The following SLC22A23 variants were observed in gnomAD, a reference collection of about 807,000 sequenced individuals.
The protein encoded by SLC22A23 is solute carrier family 22 member 23.
A neutral mutation model predicts 61.0 loss-of-function variants in SLC22A23; 26 were observed. The ratio of observed to expected loss-of-function variants is 0.43; its 90% confidence interval spans 0.31 to 0.59. The LOEUF is 0.59. SLC22A23 is among the 20% of genes least tolerant of loss of function. SLC22A23 has a pLI of 0.11. For synonymous variants in SLC22A23, 430 were observed against 413.9 expected, an observed-to-expected ratio of 1.04 and a Z score of -0.47; for missense variants, 796 against 934.7, an observed-to-expected ratio of 0.85 and a Z score of 1.94.
chr6:3,365,539 A>G (rs1410533835), intron 3 of SLC22A23, among the ~76,000 whole-genome samples: 1 of 152,092 alleles, frequency 6.6e-6, no homozygotes, highest in Non-Finnish European at 1.5e-5. Context: ...GGTGCTGGAG[A>G]TGGAGCAGTG....
chr6:3,394,172 C>T (rs1448261402), intron 3 of SLC22A23, among the ~76,000 whole-genome samples: 4 of 152,104 alleles, frequency 2.6e-5, no homozygotes, highest in Non-Finnish European at 5.9e-5. Flanking sequence ...AAAGAGGGAT[C>T]GGGCACTGTA....
At chr6:3,364,589 G>C (rs1249151243) in intron 3 of SLC22A23, among the ~76,000 whole-genome samples, 2 of 152,212 alleles carry the variant, frequency 1.3e-5, no homozygotes, top group African/African-American at 2.4e-5. Flanking sequence ...AGAGGTGAGG[G>C]AGGGCATTGG....
chr6:3,409,071 C>G (rs946528620), intron 3 of SLC22A23, among the ~76,000 whole-genome samples: 1 of 152,236 alleles, frequency 6.6e-6, no homozygotes, highest in Non-Finnish European at 1.5e-5. Context: ...TTCAAAGAAA[C>G]AAGTTCCCCA....
intron 4 of SLC22A23, 26 bp from the exon 5 acceptor site, chr6:3,298,244 G>C (rs1402444204): frequency 6.3e-7 from 1 of 1,580,234 alleles, no homozygotes; most frequent in South Asian, 1.2e-5. Context: ...GGGGATCAGT[G>C]AATGTCTTCC....
intron 3 of SLC22A23, among the ~76,000 whole-genome samples, chr6:3,336,059 G>A (rs541042796): frequency 4.6e-5 from 7 of 151,588 alleles, no homozygotes; most frequent in African/African-American, 1.5e-4. Context: ...ACTGCTCTCC[G>A]GCCTGGGCGA....
At position 3,327,801 on chromosome 6, in the gene SLC22A23, TTA is replaced by T. The variant is rs2127405311; in HGVS notation, c.914-3801_914-3800del. On this transcript the variant is annotated intron_variant, in intron 3 of 9. Coordinates refer to ENST00000406686, the MANE Select transcript of SLC22A23 (RefSeq NM_015482.2). This position sits in a 1 kb window ranked among gnomAD's most constrained non-coding sequence, Gnocchi z 4.1. The stretch of plus-strand genomic sequence containing the variant: ...ACCCAAGTCTAAAAACAAAATTCAT[TTA>T]TGTTTCATATAAATCTTATATACAT... Among the ~76,000 whole-genome samples the T allele has an allele frequency of 6.6e-6, 1 of 152,326 alleles. No individual in the cohort carries two copies. Among genetic ancestry groups the T allele is most frequent in the South Asian group, 2.1e-4 (1 of 4,828 alleles).
chr6:3,424,410 C>T (rs577679371), intron 1 of SLC22A23, among the ~76,000 whole-genome samples: 2 of 152,158 alleles, frequency 1.3e-5, no homozygotes, highest in African/African-American at 4.8e-5. Flanking sequence ...CTGTACTGCA[C>T]GCATTTTTTC....
At chr6:3,277,834 A>G (rs1297790427) in intron 9 of SLC22A23, among the ~76,000 whole-genome samples, 1 of 152,230 alleles carries the variant, frequency 6.6e-6, no homozygotes, top group East Asian at 1.9e-4. Flanking sequence ...CTTTTTAGCA[A>G]TCAAATTTAC....
At chr6:3,368,427 T>C (rs916283626) in intron 3 of SLC22A23, among the ~76,000 whole-genome samples, 7 of 152,198 alleles carry the variant, frequency 4.6e-5, no homozygotes, top group African/African-American at 1.2e-4. Context: ...GTAAGAGATA[T>C]GCGCTTTTCC....
chr6:3,296,317 CCACCCCTGCTGGACTTTG>C (rs1199481048), intron 5 of SLC22A23, among the ~76,000 whole-genome samples: 4 of 152,172 alleles, frequency 2.6e-5, no homozygotes, highest in East Asian at 1.9e-4. Context: ...CGTGGCAAAG[CCACCCCTGCTGGACTTTG>C]CACCCCTGCT....
Position 3,387,408 on chromosome 6 carries a change from A to T in SLC22A23, c.913+22780T>A, listed in dbSNP as rs892496423. Among the ~76,000 whole-genome samples, 1 of 152,232 alleles carries T rather than the reference A, an allele frequency of 6.6e-6. No homozygotes were observed. The highest frequency in any genetic ancestry group is 2.4e-5 in the African/African-American group (1 of 41,458). The stretch of plus-strand genomic sequence containing the variant: ...ACCAACCCGTTACACCACTGTCCTC[A>T]TCACAGTGTTAAGGTCACAAAAGAC... On this transcript the variant is annotated intron_variant, in intron 3 of 9. Coordinates refer to ENST00000406686, the MANE Select transcript of SLC22A23 (RefSeq NM_015482.2). This position sits in a 1 kb window ranked among gnomAD's most constrained non-coding sequence, Gnocchi z 5.0.
rs1291921902 is a variant in SLC22A23 at position 3,410,241 on chromosome 6, C to G, written c.860G>C (p.Arg287Thr). 1.9e-6 allele frequency: 3 copies of G among 1,613,858 alleles called. No homozygotes were observed. The highest frequency in any genetic ancestry group is 2.2e-5 in the South Asian group (2 of 91,028). Residue 287 changes from arginine (R) to threonine (T), a missense_variant, in exon 3 of 10, where the codon AGG (arginine) becomes ACG (threonine). Physicochemically the swap from Arg to Thr is moderately conservative, Grantham distance 71. Coordinates refer to ENST00000406686, the MANE Select transcript of SLC22A23 (RefSeq NM_015482.2). The surrounding 1 kb of genome is among the most constrained non-coding windows in gnomAD (Gnocchi z 5.0). ...SVNVTMFSTL[R>T]FFEGFCLAGI... Reference sequence around the variant, plus strand: ...AGCCAGGCAAAATCCTTCAAAGAACCTGAGTGTGCTGAACATTGTCACATT... The same window carrying G: ...AGCCAGGCAAAATCCTTCAAAGAACGTGAGTGTGCTGAACATTGTCACATT...
intron 3 of SLC22A23, among the ~76,000 whole-genome samples, chr6:3,366,472 T>C (rs1765844356): frequency 1.3e-5 from 2 of 152,072 alleles, no homozygotes; most frequent in Admixed American, 1.3e-4. Context: ...GTGTTAATTA[T>C]TTAACTCGCT....
intron 1 of SLC22A23, among the ~76,000 whole-genome samples, chr6:3,439,695 C>G (rs1407602909): frequency 1.3e-5 from 2 of 152,190 alleles, no homozygotes; most frequent in African/African-American, 4.8e-5. Flanking sequence ...CCTTTCGCCA[C>G]CTCCTTACTG....
chr6:3,323,805 G>C, intron 4 of SLC22A23, 29 bp downstream of exon 4: 1 of 1,596,908 alleles, frequency 6.3e-7, no homozygotes, highest in South Asian at 1.1e-5. Flanking sequence ...AGTCGCACCA[G>C]CCCAGGGCGC....
intron 5 of SLC22A23, among the ~76,000 whole-genome samples, chr6:3,296,459 T>C (rs533340220): frequency 5.9e-5 from 9 of 152,340 alleles, no homozygotes; most frequent in East Asian, 1.9e-4. Context: ...GCCTCTCTCA[T>C]AGGCTGTCAT....
intron 4 of SLC22A23, among the ~76,000 whole-genome samples, chr6:3,300,197 G>C (rs1382668316): frequency 6.6e-6 from 1 of 151,932 alleles, no homozygotes; most frequent in African/African-American, 2.4e-5. Flanking sequence ...TTTTAGTACA[G>C]ATGGGGTTTC....
intron 1 of SLC22A23, among the ~76,000 whole-genome samples, chr6:3,416,137 C>T (rs1053688112): frequency 2.6e-5 from 4 of 152,226 alleles, no homozygotes; most frequent in South Asian, 2.1e-4. Flanking sequence ...CCAACCACCA[C>T]GGGAAATGTA....
intron 1 of SLC22A23, among the ~76,000 whole-genome samples, chr6:3,426,693 C>T (rs990035200): frequency 1.3e-5 from 2 of 151,948 alleles, no homozygotes; most frequent in Non-Finnish European, 2.9e-5. Flanking sequence ...CTTTATTTAG[C>T]TCAAACTAGA....
Sources: allele counts gnomAD v4.1 joint callset (sites outside exome capture counted in the v4.1 genomes callset), GRCh38; gene constraint gnomAD v4.1.1; non-coding constraint Gnocchi (gnomAD v3.1); transcripts MANE v1.5; gene names NCBI Gene and HGNC (gene_info 2026-07-23, HGNC 2026-07-21).